The following ACSM2A variants were observed in gnomAD, a reference collection of about 807,000 sequenced individuals.
ACSM2A encodes the protein acyl-CoA synthetase medium chain family member 2A, also known as acyl-coenzyme A synthetase ACSM2A, mitochondrial.
Under a neutral mutation model 76.6 loss-of-function variants are expected in ACSM2A, and 72 were observed. The ratio of observed to expected loss-of-function variants is 0.94; its 90% CI spans 0.78 to 1.14. ACSM2A has a LOEUF of 1.14. ACSM2A is among the 50% of genes most tolerant of loss of function. The pLI is 0.00. For missense variants in ACSM2A, 684 were observed against 708.5 expected, an observed-to-expected ratio of 0.97 and a Z score of 0.39; for synonymous variants, 249 against 255.9, an observed-to-expected ratio of 0.97 and a Z score of 0.26.
At chr16:20,480,081 G>C (rs900546301) in intron 10 of ACSM2A, among the ~76,000 whole-genome samples, 1 of 152,202 alleles carries the variant, frequency 6.6e-6, no homozygotes, top group Non-Finnish European at 1.5e-5. Context: ...TTATAAGCAA[G>C]TGCCTCAGCT....
At chr16:20,482,918 C>T in intron 12 of ACSM2A, 140 bp from the exon 13 acceptor site, 1 of 1,379,058 alleles carries the variant, frequency 7.3e-7, no homozygotes, top group South Asian at 1.4e-5. Context: ...CCAGTTTTCT[C>T]CTTTTCCCTT....
rs533725983 is a variant in ACSM2A at position 20,479,354 on chromosome 16, C to T, written c.1281+677C>T. Among the ~76,000 whole-genome samples the T allele has an allele frequency of 1.0e-3, 155 of 152,226 alleles. 1 individual carries two copies. Among genetic ancestry groups the T allele is most frequent in the African/African-American group, 3.3e-3 (138 of 41,528 alleles). On this transcript the variant is annotated intron_variant, in intron 10 of 13. Transcript: ENST00000573854. ...ATGCATATCATGAGGCAAGCATTGT[C>T]CTATAAACACATTTAATCTTTAAAC...
intron 13 of ACSM2A, among the ~76,000 whole-genome samples, chr16:20,485,489 G>A (rs1490646249): frequency 1.3e-5 from 2 of 152,150 alleles, no homozygotes; most frequent in Non-Finnish European, 2.9e-5. Context: ...ACCCTTCGGG[G>A]CCCAAATAGT....
intron 1 of ACSM2A, among the ~76,000 whole-genome samples, chr16:20,458,873 AATAC>A (rs1369373813): frequency 5.1e-5 from 7 of 137,768 alleles, no homozygotes; most frequent in Admixed American, 4.0e-4. Context: ...TATACTATAT[AATAC>A]ATACATAGTA....
Position 20,480,525 on chromosome 16 carries a change from G to C in ACSM2A, c.1282-48G>C, listed in dbSNP as rs376725870. 1.6e-5 allele frequency: 25 copies of C among 1,591,374 alleles called. No homozygotes were observed. In the African/African-American group the frequency reaches 2.3e-4, roughly 15 times the overall value. The stretch of plus-strand genomic sequence containing the variant: ...TGTTCATGGCAGCCCCAGGGCAGGG[G>C]ATTTAGGCTTTGCAGGCACAATGAC... On this transcript the variant is annotated intron_variant, in intron 10 of 13. Transcript: ENST00000573854.
chr16:20,476,278 A>T (rs2013735272), intron 8 of ACSM2A: 1 of 986,906 alleles, frequency 1.0e-6, no homozygotes, highest in South Asian at 4.6e-5. Flanking sequence ...TCATGTGCAC[A>T]ATGTGGATTT....
rs190949876 is a variant in ACSM2A at position 20,467,613 on chromosome 16, G to T, written c.388+1886G>T. Among the ~76,000 whole-genome samples the T allele has an allele frequency of 7.9e-5, 12 of 152,160 alleles. No individual in the cohort carries two copies. In the East Asian group the frequency reaches 1.4e-3, roughly 17 times the overall value. ...AAAGGAGATGCGAGGGAGAGAGAGA[G>T]AAGTACAGACATTTCAGCAAGTGGG... On this transcript the variant is annotated intron_variant, in intron 3 of 13. Transcript: ENST00000573854.
At chr16:20,455,118 T>A (rs1203752724) in intron 1 of ACSM2A, among the ~76,000 whole-genome samples, 1 of 149,172 alleles carries the variant, frequency 6.7e-6, no homozygotes, top group East Asian at 2.1e-4. Flanking sequence ...AAATTTTCAA[T>A]GAACAAAGCC....
intron 2 of ACSM2A, among the ~76,000 whole-genome samples, chr16:20,461,885 T>G (rs969995688): frequency 4.6e-5 from 7 of 152,144 alleles, no homozygotes; most frequent in Admixed American, 2.0e-4. Flanking sequence ...CCTTGAAAGC[T>G]CAGAGACTAG....
intron 4 of ACSM2A, chr16:20,470,797 G>A (rs1424930146): frequency 3.3e-6 from 2 of 611,774 alleles, no homozygotes; most frequent in Admixed American, 4.2e-5. Context: ...TATAAGACTT[G>A]ATCTCACTTT....
chr16:20,485,844 C>T (rs1402609623), intron 13 of ACSM2A, among the ~76,000 whole-genome samples: 1 of 152,142 alleles, frequency 6.6e-6, no homozygotes, highest in Admixed American at 6.6e-5. Context: ...ACACTTAAAC[C>T]AATGGCATGG....
chr16:20,477,569 A>T, intron 9 of ACSM2A, 120 bp downstream of exon 9: 1 of 1,454,784 alleles, frequency 6.9e-7, no homozygotes, highest in Non-Finnish European at 9.1e-7. Context: ...AGATAACATA[A>T]GAAAAAAAGG....
At chr16:20,479,329 A>G (rs2013952292) in intron 10 of ACSM2A, among the ~76,000 whole-genome samples, 1 of 152,224 alleles carries the variant, frequency 6.6e-6, no homozygotes, top group Non-Finnish European at 1.5e-5. Context: ...CATTTATTGA[A>G]TGCATATCAT....
At chr16:20,467,129 T>C (rs1461618095) in intron 3 of ACSM2A, among the ~76,000 whole-genome samples, 2 of 152,156 alleles carry the variant, frequency 1.3e-5, no homozygotes, top group Non-Finnish European at 2.9e-5. Context: ...CAAAGGCAGT[T>C]TCAAAGCCAC....
In ACSM2A at chr16:20,479,518, TC is replaced by T. The variant is rs564733608; in HGVS notation, c.1281+842del. 6.9e-4 allele frequency among the ~76,000 whole-genome samples: 105 copies of T among 152,318 alleles called. 1 individual carries two copies. Among genetic ancestry groups the T allele is most frequent in the African/African-American group, 2.5e-3 (102 of 41,568 alleles). ...AGGGAAGTTACCTATCTGTCATGTC[TC>T]AGTTTCCTCATCTGTAAGTTGTGTG... On this transcript the variant is annotated intron_variant, in intron 10 of 13. Transcript: ENST00000573854.
At chr16:20,473,817 T>C (rs1389908077) in intron 6 of ACSM2A, 1 of 274,898 alleles carries the variant, frequency 3.6e-6, no homozygotes, top group African/African-American at 2.3e-5. Flanking sequence ...ATACAGACTT[T>C]AAGTCTGATT....
chr16:20,459,092 G>A (rs2012442941), intron 1 of ACSM2A, among the ~76,000 whole-genome samples: 1 of 151,522 alleles, frequency 6.6e-6, no homozygotes, highest in Admixed American at 6.6e-5. Flanking sequence ...GGGAGCTAGG[G>A]TATACATTGG....
intron 1 of ACSM2A, among the ~76,000 whole-genome samples, chr16:20,454,748 G>T (rs1010540710): frequency 6.6e-6 from 1 of 151,740 alleles, no homozygotes; most frequent in Non-Finnish European, 1.5e-5. Context: ...GACAAAACAA[G>T]GCTGTTTAAC....
At chr16:20,462,274 A>G (rs11646536) in intron 2 of ACSM2A, among the ~76,000 whole-genome samples, 60,082 of 151,690 alleles carry the variant, frequency 0.4, 13,725 homozygotes, top group East Asian at 0.79. Context: ...CAGAATTGAG[A>G]CCCCTACCAT....
Sources: allele counts gnomAD v4.1 joint callset (sites outside exome capture counted in the v4.1 genomes callset), GRCh38; gene constraint gnomAD v4.1.1; transcripts MANE v1.5; gene names NCBI Gene and HGNC (gene_info 2026-07-23, HGNC 2026-07-21).